The following USP9X variants were observed in gnomAD, a reference collection of about 807,000 sequenced individuals.
USP9X encodes ubiquitin carboxyl-terminal hydrolase 9X.
USP9X carries 7 observed loss-of-function variants against 190.3 expected under a neutral mutation model. The ratio of observed to expected loss-of-function variants is 0.04; its 90% CI spans 0.02 to 0.07. The LOEUF (loss-of-function observed/expected upper bound fraction) is 0.07. Among genes scored for constraint, USP9X ranks in the 10% least tolerant of loss-of-function variants. The pLI is 1.00. For missense variants in USP9X, 1,010 were observed against 1,916.9 expected (o/e 0.53, Z 8.83); for synonymous variants, 645 against 659.5 (o/e 0.98, Z 0.34).
At chrX:41,144,107 T>G (rs2062444714) in intron 10 of USP9X, among the ~76,000 whole-genome samples, 1 of 111,887 alleles carries the variant, frequency 8.9e-6, no homozygotes, top group African/African-American at 3.2e-5. Flanking sequence ...TTAAATAAAT[T>G]GTATTAAAGG....
chrX:41,201,323 T>C, intron 31 of USP9X, 43 bp downstream of exon 31: 1 of 1,075,975 alleles, frequency 9.3e-7, no homozygotes, highest in Non-Finnish European at 1.3e-6. Context: ...TTTCAAGTTA[T>C]GATACCAGAT....
intron 1 of USP9X, among the ~76,000 whole-genome samples, chrX:41,112,893 A>G (rs2146962333): frequency 8.9e-6 from 1 of 112,899 alleles, no homozygotes; most frequent in Admixed American, 9.3e-5. Flanking sequence ...TTGAGGCACC[A>G]AAAGAATCCT....
At position 41,129,100 on chromosome X, in the gene USP9X, C is replaced by T; in HGVS notation, c.197C>T (p.Ala66Val). ...APPQLEDEEP[A>V]FPHTDLAKLD... ...CCACAGCTTGAAGATGAGGAACCTG[C>T]ATTTCCACATACTGACTTGGCCAAG... is the stretch of plus-strand genomic sequence containing the variant. Residue 66 changes from alanine to valine, a missense_variant, in exon 3 of 45, where the codon GCA becomes GTA. Around this residue, in one of 11 missense-constraint regions of USP9X, gnomAD observed 176 missense variants for 247.5 expected, o/e 0.71. Coordinates refer to ENST00000378308, the MANE Select transcript of USP9X (RefSeq NM_001039591.3). 8.3e-7 allele frequency: 1 copy of T among 1,211,153 alleles called. No homozygotes were observed. The highest frequency in any genetic ancestry group is 1.7e-5 in the African/African-American group (1 of 57,791).
intron 6 of USP9X, among the ~76,000 whole-genome samples, chrX:41,138,891 T>A (rs2062398271): frequency 8.9e-6 from 1 of 112,768 alleles, no homozygotes; most frequent in Non-Finnish European, 1.9e-5. Context: ...ATTTTCTATT[T>A]AGGGCGACTG....
At position 41,229,373 on chromosome X, in the gene USP9X, A is replaced by G; in HGVS notation, c.7182A>G (p.Leu2394=). 3 of 1,194,305 alleles carry G rather than the reference A, an allele frequency of 2.5e-6. No individual in the cohort carries two copies. Among genetic ancestry groups the G allele is most frequent in the Non-Finnish European group, 2.3e-6 (2 of 888,740 alleles). ...AGTGTATAAAATGTATGGTAGCTCT[A>G]TTTAGTAACTGTCCTGTTGCTTACC... The part of the protein sequence containing the change: ...AYQCIKCMVA[L]FSNCPVAYQI... Residue 2394 remains leucine (L), a synonymous_variant, in exon 42 of 45, where the codon CTA becomes CTG. Transcript: ENST00000378308.
At chrX:41,093,880 C>T (rs1343121878) in intron 1 of USP9X, among the ~76,000 whole-genome samples, 1 of 111,824 alleles carries the variant, frequency 8.9e-6, no homozygotes, top group Non-Finnish European at 1.9e-5. Flanking sequence ...TGGGAAAAAC[C>T]CCTAAAAAGG....
At position 41,222,805 on chromosome X, in the gene USP9X, G is replaced by C. The variant is rs758304622; in HGVS notation, c.6566-412G>C. On this transcript the variant is annotated intron_variant, in intron 38 of 44. Transcript: ENST00000378308. The stretch of plus-strand genomic sequence containing the variant: ...GTACGTGCCTGTAGTCCAGCTACTG[G>C]GGAGGCTCAGGCAGGAGAATTGCTT... Among the ~76,000 whole-genome samples the C allele has an allele frequency of 1.2e-4, 13 of 111,258 alleles. No individual in the cohort carries two copies. In the South Asian group the frequency reaches 4.9e-3, roughly 42 times the overall value.
intron 21 of USP9X, among the ~76,000 whole-genome samples, chrX:41,172,938 A>G (rs758777285): frequency 1.2e-4 from 13 of 111,508 alleles, no homozygotes; most frequent in Non-Finnish European, 1.7e-4. Context: ...TACGTTTTGA[A>G]ATATTATGAT....
intron 35 of USP9X, 84 bp from the exon 36 acceptor site, chrX:41,217,136 C>G: frequency 9.3e-7 from 1 of 1,075,198 alleles, no homozygotes; most frequent in Non-Finnish European, 1.2e-6. Flanking sequence ...TTTAGGACTT[C>G]TCAAAATTAA....
In USP9X at chrX:41,226,138, G is replaced by A. The variant is rs987017561; in HGVS notation, c.7061+1001G>A. Among the ~76,000 whole-genome samples the A allele has an allele frequency of 3.6e-5, 4 of 111,602 alleles. No individual in the cohort carries two copies. The South Asian group carries it at 1.5e-3, about 41-fold the overall frequency. On this transcript the variant is annotated intron_variant, in intron 41 of 44. Coordinates refer to ENST00000378308, the MANE Select transcript of USP9X (RefSeq NM_001039591.3). ...TATAAATAAAGTTTAGGAAGTAAGC[G>A]AATTCACAAATGTGGAATTCATGAA...
intron 21 of USP9X, among the ~76,000 whole-genome samples, chrX:41,173,413 A>G (rs1202676005): frequency 8.9e-6 from 1 of 112,272 alleles, no homozygotes; most frequent in East Asian, 2.8e-4. Flanking sequence ...ATTCAAGCCT[A>G]TACAACCTAA....
At chrX:41,204,417 T>G (rs1042327132) in intron 31 of USP9X, among the ~76,000 whole-genome samples, 1 of 110,024 alleles carries the variant, frequency 9.1e-6, no homozygotes, top group African/African-American at 3.3e-5. Flanking sequence ...CCCTATGTTT[T>G]TTTTTTTTTT....
intron 31 of USP9X, 118 bp from the exon 32 acceptor site, chrX:41,205,185 A>G: frequency 1.8e-6 from 1 of 548,773 alleles, no homozygotes; most frequent in Non-Finnish European, 2.8e-6. Context: ...ATAAATTGAA[A>G]AGTGCTTTGG....
chrX:41,124,707 A>G (rs1209758271), intron 2 of USP9X, among the ~76,000 whole-genome samples: 3 of 111,697 alleles, frequency 2.7e-5, no homozygotes, highest in African/African-American at 9.8e-5. Context: ...TCAATTTACA[A>G]TAAGATTATA....
chrX:41,138,141 A>G (rs925471195), intron 6 of USP9X, among the ~76,000 whole-genome samples: 2 of 111,776 alleles, frequency 1.8e-5, no homozygotes, highest in African/African-American at 6.5e-5. Context: ...AGCATATTCT[A>G]TGGAGTTACC....
chrX:41,183,918 T>G, intron 21 of USP9X, 80 bp from the exon 22 acceptor site: 1 of 1,080,019 alleles, frequency 9.3e-7, no homozygotes, highest in Non-Finnish European at 1.2e-6. Flanking sequence ...TCCATATTAG[T>G]ATGGTCTTCA....
chrX:41,137,815 A>G (rs1388742232), intron 6 of USP9X, among the ~76,000 whole-genome samples: 3 of 111,163 alleles, frequency 2.7e-5, no homozygotes, highest in Middle Eastern at 4.7e-3. Context: ...TCAGGTTACT[A>G]TCTAAATAAT....
intron 21 of USP9X, among the ~76,000 whole-genome samples, chrX:41,177,701 T>C (rs939195944): frequency 3.6e-5 from 4 of 112,276 alleles, no homozygotes; most frequent in African/African-American, 1.3e-4. Context: ...GGTTGCAAAA[T>C]GGTAATTTTG....
At position 41,234,562 on chromosome X, in the gene USP9X, TTTG is replaced by T. The variant is rs925558399; in HGVS notation, c.*2044_*2046del. ...CTGATTTTTGTTTTGTTTTTATTTT[TTTG>T]TTGTTTTCTTCTTTGAGATGGAGTC... On this transcript the variant is annotated 3_prime_UTR_variant, in exon 45 of 45. Transcript: ENST00000378308. The T allele has an allele frequency of 1.8e-5, 2 of 111,804 alleles. No individual in the cohort carries two copies. The highest frequency in any genetic ancestry group is 3.8e-5 in the Non-Finnish European group (2 of 53,150). The allele number at this position is 111,804 out of a possible 1,213,427, so 9.2% of individuals were successfully genotyped here.
Sources: gnomAD v4.1 joint callset for allele counts (sites outside exome capture counted in the v4.1 genomes callset) on GRCh38, gnomAD v4.1.1 for gene constraint, gnomAD v4.1.1 regional missense constraint, MANE v1.5 for transcripts, NCBI Gene and HGNC (gene_info 2026-07-23, HGNC 2026-07-21) for gene names.